The following ATP5MF variants were observed in gnomAD, a reference collection of about 807,000 sequenced individuals.
ATP5MF encodes the protein ATP synthase F(0) complex subunit f, mitochondrial.
In ATP5MF, 10 loss-of-function variants were observed where a neutral mutation model predicts 13.8. The observed-to-expected ratio is 0.72, with a 90% confidence interval of 0.45 to 1.23. The LOEUF (loss-of-function observed/expected upper bound fraction) is 1.23. Among genes scored for constraint, ATP5MF ranks in the 50% most tolerant of loss-of-function variants. The pLI is 0.00. For synonymous variants in ATP5MF, 40 were observed against 45.8 expected (o/e 0.87, Z 0.51); for missense variants, 122 against 118.2 (o/e 1.03, Z -0.15).
chr7:99,459,878 G>A lies in ATP5MF; in HGVS notation c.139+208C>T, dbSNP rs1214755316. 2 of 574,116 alleles carry A rather than the reference G, an allele frequency of 3.5e-6. 1 individual carries two copies. The highest frequency in any genetic ancestry group is 6.1e-6 in the Non-Finnish European group (2 of 329,994). The allele number at this position is 574,116 out of a possible 1,614,324, so 35.6% of individuals were successfully genotyped here. A position where few individuals can be genotyped will look rare whatever the true frequency, so the allele number is the denominator to read the frequency against. On this transcript the variant is annotated intron_variant, in intron 2 of 3. Coordinates refer to ENST00000292475, the MANE Select transcript of ATP5MF (RefSeq NM_004889.5). ...ACTGATTCCAAGCAACAGGAAACAT[G>A]TTCTTGGCTGTAATATCTCAGAGCC... is the stretch of plus-strand genomic sequence containing the variant.
At position 99,459,242 on chromosome 7, in the gene ATP5MF, T is replaced by C. The variant is rs919925291; in HGVS notation, c.161A>G (p.Lys54Arg). The change falls in exon 3 of 4, where the codon AAG becomes AGG. Residue 54 changes from lysine to arginine, a missense_variant. Physicochemically the swap from Lys to Arg is conservative, Grantham distance 26. Transcript: ENST00000292475. Reference sequence around the variant, plus strand: ...GCTCCCCTTCTTCACATTGATGTACTTGTTGTAGTACCGGTAGTAACCTGC... The same window carrying C: ...GCTCCCCTTCTTCACATTGATGTACCTGTTGTAGTACCGGTAGTAACCTGC... ...FQRGYYRYYN[K>R]YINVKKGSIS... The C allele has an allele frequency of 6.2e-7, 1 of 1,614,032 alleles. No individual in the cohort carries two copies. Among genetic ancestry groups the C allele is most frequent in the East Asian group, 2.2e-5 (1 of 44,880 alleles).
At chr7:99,465,022 G>A (rs2151033427) in intron 1 of ATP5MF, among the ~76,000 whole-genome samples, 1 of 151,732 alleles carries the variant, frequency 6.6e-6, no homozygotes, top group East Asian at 1.9e-4. Flanking sequence ...CACTTTGGGA[G>A]GCCGAGGTAC....
rs774879106 is a variant in ATP5MF, at chr7:99,466,128, C to A, written c.14G>T (p.Gly5Val). ...AGCCTTACCTGGGGCCGGACACTCA[C>A]CAACTGACGCCATTTTGGAGTCCTG... MASV[G>V]ECPAPVPVKD... Residue 5 changes from glycine (G) to valine (V), a missense_variant, in exon 1 of 4, where the codon GGT becomes GTT. By Grantham distance (109) the Gly-to-Val change is moderately radical. Coordinates refer to ENST00000292475, the MANE Select transcript of ATP5MF (RefSeq NM_004889.5). 2 of 1,614,198 alleles carry A rather than the reference C, an allele frequency of 1.2e-6. No homozygotes were observed. The highest frequency in any genetic ancestry group is 1.1e-5 in the South Asian group (1 of 91,082).
chr7:99,465,936 G>A (rs574916431), intron 1 of ATP5MF, among the ~76,000 whole-genome samples, 175 bp downstream of exon 1: 1 of 152,320 alleles, frequency 6.6e-6, no homozygotes, highest in South Asian at 2.1e-4. Context: ...GCAGGCCCTG[G>A]GCAGCAGGAA....
intron 1 of ATP5MF, 98 bp downstream of exon 1, chr7:99,466,013 C>T: frequency 6.3e-7 from 1 of 1,591,004 alleles, no homozygotes; most frequent in Non-Finnish European, 8.6e-7. Flanking sequence ...AGTGCCTGAG[C>T]AAAGGGCAGG....
rs766371925 is a variant in ATP5MF, at chr7:99,466,145, G to T, written c.-4C>A. On this transcript the variant is annotated 5_prime_UTR_variant, in exon 1 of 4. Transcript: ENST00000292475. ...GACACTCACCAACTGACGCCATTTT[G>T]GAGTCCTGGTGTCCGCTGTGCCGGA... 1.2e-6 allele frequency: 2 copies of T among 1,614,068 alleles called. No homozygotes were observed. Among genetic ancestry groups the T allele is most frequent in the African/African-American group, 1.3e-5 (1 of 74,944 alleles).
chr7:99,459,798 A>C (rs1018114043), intron 2 of ATP5MF: 1 of 374,628 alleles, frequency 2.7e-6, no homozygotes, highest in Non-Finnish European at 4.8e-6. Context: ...CTACGGTTCC[A>C]ATTCATTTTC....
chr7:99,463,990 C>G (rs1798730252), intron 1 of ATP5MF, among the ~76,000 whole-genome samples: 1 of 152,094 alleles, frequency 6.6e-6, no homozygotes, highest in Admixed American at 6.6e-5. Context: ...CCTAAAAGAT[C>G]ATCAATACCT....
intron 1 of ATP5MF, among the ~76,000 whole-genome samples, chr7:99,464,536 G>A (rs981986393): frequency 1.3e-5 from 2 of 152,154 alleles, no homozygotes; most frequent in African/African-American, 4.8e-5. Flanking sequence ...GGTGGCGGGC[G>A]CCTGTAGTCC....
rs1798418098 is a variant in ATP5MF, at chr7:99,458,266, G to C, written c.*61C>G. 2.0e-6 allele frequency: 3 copies of C among 1,524,408 alleles called. No homozygotes were observed. The highest frequency in any genetic ancestry group is 2.7e-6 in the Non-Finnish European group (3 of 1,111,964). 94.4% of individuals were successfully genotyped at this position (1,524,408 alleles called of 1,614,324 possible). A position where few individuals can be genotyped will look rare whatever the true frequency, so the allele number is the denominator to read the frequency against. The stretch of plus-strand genomic sequence containing the variant: ...AGGATTCAGCAACGATTGAGATTGT[G>C]TTCCTCACGGAGGGGCTCGGGCCAA... On this transcript the variant is annotated 3_prime_UTR_variant, in exon 4 of 4. Transcript: ENST00000292475.
chr7:99,465,127 G>A (rs1230728402), intron 1 of ATP5MF, among the ~76,000 whole-genome samples: 2 of 151,992 alleles, frequency 1.3e-5, no homozygotes, highest in African/African-American at 4.8e-5. Flanking sequence ...GGGCATGGTG[G>A]CCTGCGCCTG....
intron 1 of ATP5MF, chr7:99,460,622 C>T: frequency 2.2e-6 from 1 of 456,304 alleles, no homozygotes; most frequent in Non-Finnish European, 4.4e-6. Context: ...GGCCACGTGA[C>T]CAAAGTCACA....
chr7:99,463,707 T>C (rs906570622), intron 1 of ATP5MF, among the ~76,000 whole-genome samples: 2 of 151,642 alleles, frequency 1.3e-5, no homozygotes, highest in Non-Finnish European at 2.9e-5. Context: ...ACCTGGGAGG[T>C]GGAGGTTGCA....
chr7:99,458,351 G>T lies in ATP5MF; in HGVS notation c.261C>A (p.His87Gln), dbSNP rs759089801. ...TTCAGTGGTATTTGCGGAGCCGCTC[G>T]TGCTCTGAAGTCAGGAAGGCAAGAT... ...SYSFSYKHLK[H>Q]ERLRKYH is the part of the protein sequence containing the mutation. The change falls in exon 4 of 4, where the codon CAC becomes CAA. Residue 87 changes from histidine to glutamine, a missense_variant. Coordinates refer to ENST00000292475, the MANE Select transcript of ATP5MF (RefSeq NM_004889.5). The T allele has an allele frequency of 3.1e-6, 5 of 1,607,638 alleles. No homozygotes were observed. The highest frequency in any genetic ancestry group is 4.2e-6 in the Non-Finnish European group (5 of 1,177,878).
chr7:99,460,230 A>C (rs1459166222), intron 1 of ATP5MF, 37 bp from the exon 2 acceptor site: 1 of 1,610,216 alleles, frequency 6.2e-7, no homozygotes, highest in Non-Finnish European at 8.5e-7. Context: ...CCCACTGAAT[A>C]ATCTCCCAGT....
intron 1 of ATP5MF, among the ~76,000 whole-genome samples, chr7:99,464,820 C>T (rs1798779928): frequency 6.6e-6 from 1 of 151,756 alleles, no homozygotes; most frequent in South Asian, 2.1e-4. Flanking sequence ...AAAAATTAGC[C>T]GGGCGTAGGT....
chr7:99,460,358 C>T (rs904345249), intron 1 of ATP5MF, 165 bp from the exon 2 acceptor site: 3 of 805,304 alleles, frequency 3.7e-6, no homozygotes, highest in Admixed American at 4.4e-5. Flanking sequence ...ATCAAGCCCA[C>T]TATTTTAAGA....
chr7:99,465,166 G>A (rs974701625), intron 1 of ATP5MF, among the ~76,000 whole-genome samples: 5 of 152,040 alleles, frequency 3.3e-5, no homozygotes, highest in African/African-American at 1.2e-4. Flanking sequence ...GGCTGAGGCT[G>A]GAGAATCGCT....
chr7:99,459,458 A>G (rs138343524), intron 2 of ATP5MF, among the ~76,000 whole-genome samples, 195 bp from the exon 3 acceptor site: 1 of 152,340 alleles, frequency 6.6e-6, no homozygotes, highest in Non-Finnish European at 1.5e-5. Flanking sequence ...AGCCTGAACT[A>G]TAAGCACATA....
Sources: allele counts gnomAD v4.1 joint callset (sites outside exome capture counted in the v4.1 genomes callset), GRCh38; gene constraint gnomAD v4.1.1; transcripts MANE v1.5; gene names NCBI Gene and HGNC (gene_info 2026-07-23, HGNC 2026-07-21).